TTC7B: variants seen among roughly 807,000 people sequenced by gnomAD.
The protein encoded by TTC7B is tetratricopeptide repeat domain 7B, also known as tetratricopeptide repeat protein 7B.
In TTC7B, 28 loss-of-function variants were observed where a neutral mutation model predicts 106.8. The ratio of observed to expected loss-of-function variants is 0.26; its 90% CI spans 0.19 to 0.36. The LOEUF is 0.36. Among genes scored for constraint, TTC7B ranks in the 10% least tolerant of loss-of-function variants. TTC7B has a pLI of 1.00. For synonymous variants in TTC7B, 405 were observed against 430.6 expected (o/e 0.94, Z 0.74); for missense variants, 862 against 1,076.4 (o/e 0.80, Z 2.79).
At chr14:90,722,181 G>A (rs180992256) in intron 5 of TTC7B, among the ~76,000 whole-genome samples, 11 of 152,244 alleles carry the variant, frequency 7.2e-5, no homozygotes, top group African/African-American at 2.2e-4. Context: ...TATATCTCAC[G>A]CTACTCCATC....
In TTC7B at chr14:90,759,850, G is replaced by T. The variant is rs534946625; in HGVS notation, c.446-14928C>A. ...TGCCAGGGCAAAATGTTAAAGAATG[G>T]CCCCGTCACAGGCACCCCTGTGCAG... On this transcript the variant is annotated intron_variant, in intron 3 of 19. Coordinates refer to ENST00000328459, the MANE Select transcript of TTC7B (RefSeq NM_001010854.2). This position sits in a 1 kb window ranked among gnomAD's most constrained non-coding sequence, Gnocchi z 4.1. Among the ~76,000 whole-genome samples, 1 of 152,242 alleles carries T rather than the reference G, an allele frequency of 6.6e-6. No individual in the cohort carries two copies. The highest frequency in any genetic ancestry group is 2.4e-5 in the African/African-American group (1 of 41,554).
intron 19 of TTC7B, among the ~76,000 whole-genome samples, chr14:90,561,512 G>T (rs570267340): frequency 1.3e-5 from 2 of 152,336 alleles, no homozygotes; most frequent in East Asian, 3.9e-4. Context: ...GGCATTTGTT[G>T]TTAGACACCA....
chr14:90,564,010 C>T (rs2139787328), intron 19 of TTC7B, among the ~76,000 whole-genome samples: 1 of 152,056 alleles, frequency 6.6e-6, no homozygotes, highest in South Asian at 2.1e-4. Context: ...CAATTTCTTC[C>T]AACCTCCTGT....
chr14:90,756,386 T>TG (rs1890300241), intron 3 of TTC7B, among the ~76,000 whole-genome samples: 1 of 88,102 alleles, frequency 1.1e-5, no homozygotes, highest in African/African-American at 6.2e-5. Context: ...TTTTTTTTGT[T>TG]TTTTTTTTTT....
chr14:90,743,417 G>A (rs1464714244), intron 4 of TTC7B, among the ~76,000 whole-genome samples: 1 of 152,150 alleles, frequency 6.6e-6, no homozygotes, highest in Non-Finnish European at 1.5e-5. Flanking sequence ...AAAAGCTAGG[G>A]AGACTTTGGC....
At chr14:90,694,214 G>A (rs1887585045) in intron 6 of TTC7B, among the ~76,000 whole-genome samples, 1 of 152,044 alleles carries the variant, frequency 6.6e-6, no homozygotes, top group Non-Finnish European at 1.5e-5. Context: ...CTCCAACCTG[G>A]GCAACAGAGC....
chr14:90,589,854 A>C (rs1891881493), intron 18 of TTC7B, among the ~76,000 whole-genome samples: 3 of 152,264 alleles, frequency 2.0e-5, no homozygotes, highest in African/African-American at 7.2e-5. Flanking sequence ...AAATGTTATC[A>C]GCTGAATTTA....
At chr14:90,784,513 C>T (rs1482739711) in intron 2 of TTC7B, among the ~76,000 whole-genome samples, 2 of 151,746 alleles carry the variant, frequency 1.3e-5, no homozygotes, top group South Asian at 2.1e-4. Context: ...GCGAAGATCA[C>T]GCCACTGCAC....
chr14:90,690,702 A>G (rs995349125), intron 6 of TTC7B, among the ~76,000 whole-genome samples: 1 of 152,224 alleles, frequency 6.6e-6, no homozygotes, highest in African/African-American at 2.4e-5. Context: ...ATGGTTTTCT[A>G]CCAGGTTTTA....
rs556777391 is a variant in TTC7B, at chr14:90,597,780, G to A, written c.1967-4154C>T. Among the ~76,000 whole-genome samples, 111 of 152,230 alleles carry A rather than the reference G, an allele frequency of 7.3e-4. 1 individual carries two copies. The highest frequency in any genetic ancestry group is 2.6e-3 in the African/African-American group (106 of 41,542). On this transcript the variant is annotated intron_variant, in intron 17 of 19. Transcript: ENST00000328459. ...TTTGACTTATATAGGTAAACAGCTGGAAACACTGGCTCTAACCAGCACATT... is the reference window on the plus strand; with the variant it reads ...TTTGACTTATATAGGTAAACAGCTGAAAACACTGGCTCTAACCAGCACATT...
chr14:90,756,283 C>A (rs562431478), intron 3 of TTC7B, among the ~76,000 whole-genome samples: 1 of 152,234 alleles, frequency 6.6e-6, no homozygotes, highest in East Asian at 1.9e-4. Context: ...GTGGGCTTCA[C>A]AGAACAGGAC....
Position 90,744,825 on chromosome 14 carries a change from G to A in TTC7B, c.543C>T (p.Asp181=), listed in dbSNP as rs1432235296. 3 of 1,613,950 alleles carry A rather than the reference G, an allele frequency of 1.9e-6. No individual in the cohort carries two copies. Among genetic ancestry groups the A allele is most frequent in the Admixed American group, 1.7e-5 (1 of 59,994 alleles). ...TCTCTTGGAGATACAGGAGTGCGAT[G>A]TCCCCTGCTTTCTCATAACAGGTGA... ...DVITCYEKAG[D]IALLYLQEIE... is the part of the protein sequence containing the mutation. The change falls in exon 4 of 20, where the codon GAC becomes GAT. Residue 181 remains aspartate, a synonymous_variant. Transcript: ENST00000328459.
At chr14:90,628,219 G>T (rs980355163) in intron 15 of TTC7B, among the ~76,000 whole-genome samples, 1 of 152,256 alleles carries the variant, frequency 6.6e-6, no homozygotes, top group Non-Finnish European at 1.5e-5. Flanking sequence ...ATGTTTGAAA[G>T]CAAGTCTTCC....
chr14:90,541,659 C>A, intron 19 of TTC7B, 70 bp from the exon 20 acceptor site: 1 of 1,283,736 alleles, frequency 7.8e-7, no homozygotes, highest in South Asian at 1.8e-5. Flanking sequence ...CCTACTTGTC[C>A]TCGAGTTTCC....
intron 3 of TTC7B, among the ~76,000 whole-genome samples, chr14:90,774,471 T>G (rs973383420): frequency 3.3e-5 from 5 of 152,156 alleles, no homozygotes; most frequent in Non-Finnish European, 7.4e-5. Flanking sequence ...AGGCAGGAGC[T>G]TAGGCCCTGC....
chr14:90,622,966 T>C (rs1884277023), intron 15 of TTC7B, among the ~76,000 whole-genome samples: 1 of 152,032 alleles, frequency 6.6e-6, no homozygotes, highest in Non-Finnish European at 1.5e-5. Context: ...GTGGTCAGCT[T>C]CCCCCATGTG....
At chr14:90,672,528 G>A (rs1277742730) in intron 9 of TTC7B, among the ~76,000 whole-genome samples, 1 of 152,174 alleles carries the variant, frequency 6.6e-6, no homozygotes, top group Non-Finnish European at 1.5e-5. Context: ...AGGATGAAGA[G>A]GGTCTCTCTC....
At chr14:90,658,583 G>C (rs533180220) in intron 9 of TTC7B, among the ~76,000 whole-genome samples, 196 bp from the exon 10 acceptor site, 1 of 152,180 alleles carries the variant, frequency 6.6e-6, no homozygotes, top group African/African-American at 2.4e-5. Flanking sequence ...CGGTGGCCAG[G>C]ACAACCTACA....
intron 16 of TTC7B, among the ~76,000 whole-genome samples, chr14:90,614,533 G>T (rs971699724): frequency 6.6e-6 from 1 of 152,236 alleles, no homozygotes; most frequent in African/African-American, 2.4e-5. Context: ...GAAAGAATTG[G>T]TTAACAATAA....
Sources: allele counts gnomAD v4.1 joint callset (sites outside exome capture counted in the v4.1 genomes callset), GRCh38; gene constraint gnomAD v4.1.1; non-coding constraint Gnocchi (gnomAD v3.1); transcripts MANE v1.5; gene names NCBI Gene and HGNC (gene_info 2026-07-23, HGNC 2026-07-21).